Variants in KIAA1549L observed in about 807,000 individuals in gnomAD.
The protein encoded by KIAA1549L is UPF0606 protein KIAA1549L.
Under a neutral mutation model 160.7 loss-of-function variants are expected in KIAA1549L, and 88 were observed. That is an observed-to-expected ratio of 0.55 (90% CI 0.46 to 0.65). The LOEUF is 0.65. Among genes scored for constraint, KIAA1549L ranks in the 30% least tolerant of loss-of-function variants. The probability of loss-of-function intolerance (pLI) is 0.00; values close to 1 mark genes in which losing one functional copy is unlikely to be tolerated. For missense variants in KIAA1549L, 2,258 were observed against 2,437.5 expected, an observed-to-expected ratio of 0.93 and a Z score of 1.55; for synonymous variants, 950 against 976.7, an observed-to-expected ratio of 0.97 and a Z score of 0.51.
At chr11:33,481,590 G>C (rs1471745765) in intron 1 of KIAA1549L, among the ~76,000 whole-genome samples, 1 of 152,128 alleles carries the variant, frequency 6.6e-6, no homozygotes, top group Non-Finnish European at 1.5e-5. Flanking sequence ...TTAATAGCTT[G>C]AATTTTGTTT....
chr11:33,559,692 A>T, intron 6 of KIAA1549L, 57 bp from the exon 7 acceptor site: 1 of 1,522,430 alleles, frequency 6.6e-7, no homozygotes, highest in Non-Finnish European at 9.1e-7. Context: ...CCTCCATGAA[A>T]CACACCCTGG....
intron 12 of KIAA1549L, among the ~76,000 whole-genome samples, chr11:33,597,962 G>A (rs1200524493): frequency 1.3e-5 from 2 of 152,100 alleles, no homozygotes; most frequent in Non-Finnish European, 2.9e-5. Context: ...TCATTATAAT[G>A]ATCCATTAGC....
At chr11:33,577,016 C>T (rs1038405169) in intron 10 of KIAA1549L, among the ~76,000 whole-genome samples, 3 of 152,098 alleles carry the variant, frequency 2.0e-5, no homozygotes, top group Non-Finnish European at 4.4e-5. Context: ...GGAAACTGAG[C>T]CCTGGGGAAT....
chr11:33,565,345 C>T (rs543850781), intron 8 of KIAA1549L, among the ~76,000 whole-genome samples: 3 of 152,320 alleles, frequency 2.0e-5, no homozygotes, highest in African/African-American at 7.2e-5. Flanking sequence ...ATCGTAACAA[C>T]AGCAGCTACC....
In KIAA1549L at chr11:33,591,225, T is replaced by C. The variant is rs755928042; in HGVS notation, c.4567-12T>C. 1 of 1,599,742 alleles carries C rather than the reference T, an allele frequency of 6.3e-7. No individual in the cohort carries two copies. Among genetic ancestry groups the C allele is most frequent in the East Asian group, 2.2e-5 (1 of 44,510 alleles). On this transcript the variant is annotated splice_polypyrimidine_tract_variant and intron_variant, in intron 11 of 20. Coordinates refer to ENST00000658780, the MANE Select transcript of KIAA1549L (RefSeq NM_012194.3). ...CTAGAAATACGACTGCAAATCTGTT[T>C]CCTCTTTGCAGCCTGTGCAAGGCTT...
At chr11:33,612,234 C>T (rs1198446666) in intron 15 of KIAA1549L, among the ~76,000 whole-genome samples, 2 of 152,262 alleles carry the variant, frequency 1.3e-5, no homozygotes, top group East Asian at 3.9e-4. Flanking sequence ...ATTCTTGACA[C>T]ACTCTGCTGT....
rs768089038 is a variant in KIAA1549L, at chr11:33,568,101, G to A, written c.4104G>A (p.Leu1368=). 83 of 1,611,870 alleles carry A rather than the reference G, an allele frequency of 5.1e-5. No homozygotes were observed. The highest frequency in any genetic ancestry group is 1.3e-4 in the Admixed American group (8 of 59,736). Residue 1368 remains leucine (L), a synonymous_variant, in exon 9 of 21, where the codon CTG becomes CTA. Coordinates refer to ENST00000658780, the MANE Select transcript of KIAA1549L (RefSeq NM_012194.3). ...ITVLQGVDNS[L]VGLHNQSFAR... ...TGCTGCAGGGTGTGGACAATTCGCT[G>A]GTGGGCCTGCACAACCAGAGCTTTG...
intron 1 of KIAA1549L, among the ~76,000 whole-genome samples, chr11:33,525,595 G>T (rs2746550): frequency 2.7e-5 from 4 of 150,930 alleles, no homozygotes; most frequent in South Asian, 2.1e-4. Context: ...TCGGGGTCGG[G>T]GGGTGGGGAC....
intron 1 of KIAA1549L, among the ~76,000 whole-genome samples, chr11:33,463,698 A>G (rs973688126): frequency 2.6e-5 from 4 of 152,306 alleles, no homozygotes; most frequent in Middle Eastern, 3.4e-3. Flanking sequence ...GCCTTATGTC[A>G]TTTTAACTTA....
chr11:33,661,603 G>T (rs1300200914), intron 20 of KIAA1549L, among the ~76,000 whole-genome samples: 2 of 152,120 alleles, frequency 1.3e-5, no homozygotes, highest in Non-Finnish European at 2.9e-5. Flanking sequence ...GATTGGGCTG[G>T]GTGCCGTGGC....
chr11:33,473,289 G>A (rs1017807599), intron 1 of KIAA1549L, among the ~76,000 whole-genome samples: 43 of 152,138 alleles, frequency 2.8e-4, no homozygotes, highest in Admixed American at 2.4e-3. Context: ...GAGGCAAGTG[G>A]AAATTTTAAT....
chr11:33,493,721 C>T (rs761761987), intron 1 of KIAA1549L, among the ~76,000 whole-genome samples: 86 of 152,328 alleles, frequency 5.6e-4, no homozygotes, highest in Non-Finnish European at 8.5e-4. Context: ...GGGGAACTAC[C>T]TCTTCCCTAG....
intron 1 of KIAA1549L, among the ~76,000 whole-genome samples, chr11:33,474,433 G>A (rs1852243383): frequency 6.6e-6 from 1 of 152,224 alleles, no homozygotes. Flanking sequence ...CTTGAGGGCA[G>A]GGATGCAAGG....
chr11:33,475,238 G>A (rs552846450), intron 1 of KIAA1549L, among the ~76,000 whole-genome samples: 7 of 152,250 alleles, frequency 4.6e-5, no homozygotes, highest in South Asian at 4.1e-4. Context: ...TTCTGGTACT[G>A]TGGCTGCTAG....
chr11:33,585,240 C>T (rs552397554), intron 11 of KIAA1549L, among the ~76,000 whole-genome samples: 26 of 152,256 alleles, frequency 1.7e-4, no homozygotes, highest in Admixed American at 9.8e-4. Context: ...GCATTTTGGC[C>T]GGGCGCGGTG....
chr11:33,610,512 A>G (rs1055624252), intron 15 of KIAA1549L, among the ~76,000 whole-genome samples: 1 of 152,248 alleles, frequency 6.6e-6, no homozygotes, highest in Non-Finnish European at 1.5e-5. Context: ...TGTCATGCTC[A>G]TGTGGGCTTA....
rs912510575 is a variant in KIAA1549L at position 33,398,857 on chromosome 11, G to A, written c.238+21968G>A. Among the ~76,000 whole-genome samples the A allele has an allele frequency of 9.9e-5, 15 of 151,758 alleles. No homozygotes were observed. In the East Asian group the frequency reaches 2.5e-3, roughly 25 times the overall value. On this transcript the variant is annotated intron_variant, in intron 1 of 20. Coordinates refer to ENST00000658780, the MANE Select transcript of KIAA1549L (RefSeq NM_012194.3). Reference sequence around the variant, plus strand: ...CATATTATGGCAATTTTTGTGTTTCGTATATAGTCTTAGTTAAAAAGACTT... The same window carrying A: ...CATATTATGGCAATTTTTGTGTTTCATATATAGTCTTAGTTAAAAAGACTT...
In KIAA1549L at chr11:33,672,821, G is replaced by T. The variant is rs1409835311; in HGVS notation, c.*4667G>T. 5 of 153,760 alleles carry T rather than the reference G, an allele frequency of 3.3e-5. No homozygotes were observed. Among genetic ancestry groups the T allele is most frequent in the African/African-American group, 1.2e-4 (5 of 41,450 alleles). The allele number at this position is 153,760 out of a possible 1,614,324, so 9.5% of individuals were successfully genotyped here. ...CAAGGCCCAGTTAGCACAATGTCTTGCTCAGCAGACAATAAATACTTGTAA... is the reference window on the plus strand; with the variant it reads ...CAAGGCCCAGTTAGCACAATGTCTTTCTCAGCAGACAATAAATACTTGTAA... On this transcript the variant is annotated 3_prime_UTR_variant, in exon 21 of 21. Transcript: ENST00000658780.
At chr11:33,431,236 T>C (rs865952952) in intron 1 of KIAA1549L, among the ~76,000 whole-genome samples, 5 of 152,124 alleles carry the variant, frequency 3.3e-5, no homozygotes, top group Admixed American at 1.3e-4. Context: ...GCAAGATTTA[T>C]TGCAAAGAGC....
Sources: allele counts gnomAD v4.1 joint callset (sites outside exome capture counted in the v4.1 genomes callset), GRCh38; gene constraint gnomAD v4.1.1; transcripts MANE v1.5; gene names NCBI Gene and HGNC (gene_info 2026-07-23, HGNC 2026-07-21).